The following MACROD2 variants were observed in gnomAD, a reference collection of about 807,000 sequenced individuals.
The protein encoded by MACROD2 is ADP-ribose glycohydrolase MACROD2.
A neutral mutation model predicts 70.4 loss-of-function variants in MACROD2; 36 were observed. That is an observed-to-expected ratio of 0.51 (90% CI 0.39 to 0.68). MACROD2 has a LOEUF of 0.68. Among genes scored for constraint, MACROD2 ranks in the 30% least tolerant of loss-of-function variants. MACROD2 has a pLI of 0.00. For missense variants in MACROD2, 496 were observed against 538.4 expected, an observed-to-expected ratio of 0.92 and a Z score of 0.78; for synonymous variants, 172 against 178.8, an observed-to-expected ratio of 0.96 and a Z score of 0.30.
chr20:14,896,130 A>G (rs1470062576), intron 5 of MACROD2, among the ~76,000 whole-genome samples: 1 of 152,110 alleles, frequency 6.6e-6, no homozygotes, highest in Non-Finnish European at 1.5e-5. Context: ...CCCCATTTCT[A>G]CTAAAAATAC....
intron 8 of MACROD2, among the ~76,000 whole-genome samples, chr20:15,671,593 G>A (rs1049010921): frequency 2.0e-5 from 3 of 152,182 alleles, no homozygotes; most frequent in Non-Finnish European, 2.9e-5. Context: ...ACTACTTGGT[G>A]TCTAGAGCCC....
At chr20:14,558,675 G>A (rs1307848981) in intron 4 of MACROD2, among the ~76,000 whole-genome samples, 2 of 151,658 alleles carry the variant, frequency 1.3e-5, no homozygotes, top group Non-Finnish European at 3.0e-5. Flanking sequence ...ATAGTGCCTG[G>A]AAATATGTGA....
intron 6 of MACROD2, among the ~76,000 whole-genome samples, chr20:15,258,797 C>A (rs955999781): frequency 6.6e-6 from 1 of 151,940 alleles, no homozygotes; most frequent in African/African-American, 2.4e-5. Context: ...TTTGTTAAAC[C>A]TATTGATAAA....
intron 4 of MACROD2, among the ~76,000 whole-genome samples, chr20:14,660,200 T>A (rs1431564826): frequency 6.6e-6 from 1 of 152,240 alleles, no homozygotes; most frequent in Non-Finnish European, 1.5e-5. Context: ...CATACTTTGT[T>A]ACTGATGAGA....
At chr20:15,245,415 G>A (rs1305509855) in intron 6 of MACROD2, among the ~76,000 whole-genome samples, 1 of 152,116 alleles carries the variant, frequency 6.6e-6, no homozygotes, top group African/African-American at 2.4e-5. Flanking sequence ...AAAATCTCAG[G>A]AACTAATTAT....
chr20:15,653,280 A>G (rs1043091361), intron 8 of MACROD2, among the ~76,000 whole-genome samples: 6 of 152,244 alleles, frequency 3.9e-5, no homozygotes, highest in African/African-American at 9.6e-5. Flanking sequence ...TCACTTATTC[A>G]TGACATCGTG....
chr20:15,010,829 T>C (rs1037801701), intron 5 of MACROD2, among the ~76,000 whole-genome samples: 1 of 152,162 alleles, frequency 6.6e-6, no homozygotes, highest in African/African-American at 2.4e-5. Context: ...ATGTCTTGCT[T>C]GTATCAGGAG....
intron 12 of MACROD2, among the ~76,000 whole-genome samples, chr20:15,966,576 T>C (rs1024253702): frequency 2.6e-5 from 4 of 152,056 alleles, no homozygotes; most frequent in African/African-American, 9.7e-5. Context: ...ATCCTGCCTA[T>C]ACAAAAAATT....
chr20:14,993,305 G>T (rs1600921245), intron 5 of MACROD2, among the ~76,000 whole-genome samples: 1 of 151,592 alleles, frequency 6.6e-6, no homozygotes, highest in East Asian at 1.9e-4. Flanking sequence ...TATGAGGGAG[G>T]GGTCTTTGAT....
At chr20:14,862,799 G>T (rs1212937486) in intron 5 of MACROD2, among the ~76,000 whole-genome samples, 1 of 143,172 alleles carries the variant, frequency 7.0e-6, no homozygotes, top group Non-Finnish European at 1.5e-5. Flanking sequence ...AGGAAACCCA[G>T]TCCTTCCTAA....
chr20:14,061,575 GTACTC>G (rs2053691418), intron 2 of MACROD2, among the ~76,000 whole-genome samples: 1 of 152,074 alleles, frequency 6.6e-6, no homozygotes, highest in South Asian at 2.1e-4. Context: ...GTGTACCTAA[GTACTC>G]TAGGACAGAT....
chr20:15,099,902 A>T (rs899392744), intron 5 of MACROD2, among the ~76,000 whole-genome samples: 4 of 152,138 alleles, frequency 2.6e-5, no homozygotes, highest in Middle Eastern at 3.4e-3. Flanking sequence ...AATGAGAAAC[A>T]TGTTGTTGGA....
At chr20:15,921,994 G>A (rs1035808937) in intron 10 of MACROD2, among the ~76,000 whole-genome samples, 18 of 152,230 alleles carry the variant, frequency 1.2e-4, no homozygotes, top group Non-Finnish European at 1.8e-4. Flanking sequence ...CCTCCTGTCC[G>A]TCATTGGTTG....
In MACROD2 at chr20:14,204,169, C is replaced by T. The variant is rs2081503717; in HGVS notation, c.271+118441C>T. 2.6e-5 allele frequency among the ~76,000 whole-genome samples: 4 copies of T among 152,178 alleles called. No homozygotes were observed. The South Asian group carries it at 8.3e-4, about 31-fold the overall frequency. ...GGGGTTGCTGTCAATAGCAGTGGCCCTGGTGGGCAAGTAGCTCTCAGGCTC... is the reference window on the plus strand; with the variant it reads ...GGGGTTGCTGTCAATAGCAGTGGCCTTGGTGGGCAAGTAGCTCTCAGGCTC... On this transcript the variant is annotated intron_variant, in intron 3 of 17. Transcript: ENST00000684519.
At chr20:14,147,910 G>GA (rs201465040) in intron 3 of MACROD2, among the ~76,000 whole-genome samples, 14 of 150,166 alleles carry the variant, frequency 9.3e-5, no homozygotes, top group African/African-American at 2.0e-4. Context: ...TACAGTGTCT[G>GA]AAAAAAAAAG....
chr20:14,593,310 T>C (rs1981905341), intron 4 of MACROD2, among the ~76,000 whole-genome samples: 1 of 152,182 alleles, frequency 6.6e-6, no homozygotes, highest in African/African-American at 2.4e-5. Flanking sequence ...TAATGAAATG[T>C]ATCTGTGCAA....
intron 8 of MACROD2, among the ~76,000 whole-genome samples, chr20:15,813,783 A>G (rs893642077): frequency 6.6e-6 from 1 of 152,148 alleles, no homozygotes; most frequent in African/African-American, 2.4e-5. Flanking sequence ...CCCCGTCTCA[A>G]AACAACAACA....
intron 7 of MACROD2, among the ~76,000 whole-genome samples, chr20:15,460,071 G>A (rs554448927): frequency 5.3e-5 from 8 of 152,122 alleles, no homozygotes; most frequent in Admixed American, 5.2e-4. Flanking sequence ...GTGATGTTTT[G>A]GGTAACTACT....
At chr20:14,216,789 T>C (rs1388028510) in intron 3 of MACROD2, among the ~76,000 whole-genome samples, 1 of 152,158 alleles carries the variant, frequency 6.6e-6, no homozygotes, top group African/African-American at 2.4e-5. Context: ...GGGGTTGAGT[T>C]CTTGACTTGA....
Sources: gnomAD v4.1 joint callset for allele counts (sites outside exome capture counted in the v4.1 genomes callset) on GRCh38, gnomAD v4.1.1 for gene constraint, MANE v1.5 for transcripts, NCBI Gene and HGNC (gene_info 2026-07-23, HGNC 2026-07-21) for gene names.